Variants in ARB2A observed in about 807,000 individuals in gnomAD.
The protein encoded by ARB2A is ARB2 cotranscriptional regulator A.
chr5:93,967,466 C>G, the ARB2A span, among the ~76,000 whole-genome samples: 2 of 152,046 alleles, frequency 1.3e-5, no homozygotes, highest in African/African-American at 4.8e-5. Flanking sequence ...GACAGACAAG[C>G]AGATATAAAA....
At chr5:93,656,838 G>A in the ARB2A span, among the ~76,000 whole-genome samples, 1 of 151,950 alleles carries the variant, frequency 6.6e-6, no homozygotes, top group South Asian at 2.1e-4. Flanking sequence ...AGTTTTGGAG[G>A]ACCCCTGTGT....
the ARB2A span, among the ~76,000 whole-genome samples, chr5:93,750,453 T>C: frequency 4.6e-5 from 7 of 152,182 alleles, no homozygotes; most frequent in African/African-American, 1.4e-4. Flanking sequence ...TACCTCTAAT[T>C]TAACATACAG....
chr5:93,892,593 G>A, the ARB2A span, among the ~76,000 whole-genome samples: 1 of 151,878 alleles, frequency 6.6e-6, no homozygotes, highest in Admixed American at 6.6e-5. Flanking sequence ...TCTGGGGGGG[G>A]GAAAACCACA....
the ARB2A span, among the ~76,000 whole-genome samples, chr5:93,967,325 G>C: frequency 3.9e-5 from 6 of 152,046 alleles, no homozygotes; most frequent in Non-Finnish European, 8.8e-5. Context: ...GATGTATATA[G>C]AGCTTGGAAG....
At chr5:93,828,151 G>A in the ARB2A span, among the ~76,000 whole-genome samples, 1 of 152,064 alleles carries the variant, frequency 6.6e-6, no homozygotes. Context: ...AGCTTGATGG[G>A]GATGGCATTG....
chr5:93,763,519 G>T, the ARB2A span, among the ~76,000 whole-genome samples: 2 of 151,982 alleles, frequency 1.3e-5, no homozygotes, highest in African/African-American at 4.8e-5. Context: ...TATATGCACC[G>T]AATACAGGAG....
chr5:94,088,507 G>A, the ARB2A span, among the ~76,000 whole-genome samples: 3 of 151,868 alleles, frequency 2.0e-5, no homozygotes, highest in African/African-American at 7.3e-5. Context: ...ATAGCAAGAC[G>A]GTATCTCTAC....
At chr5:93,754,868 T>A in the ARB2A span, among the ~76,000 whole-genome samples, 1 of 152,208 alleles carries the variant, frequency 6.6e-6, no homozygotes, top group African/African-American at 2.4e-5. Flanking sequence ...CTTCACTACA[T>A]TTTCTATCAT....
At chr5:93,852,451 T>C in the ARB2A span, among the ~76,000 whole-genome samples, 1 of 152,232 alleles carries the variant, frequency 6.6e-6, no homozygotes, top group Non-Finnish European at 1.5e-5. Context: ...AGAAGCTCTT[T>C]AGTTTCACTA....
chr5:93,951,960 A>C, the ARB2A span, among the ~76,000 whole-genome samples: 2 of 152,234 alleles, frequency 1.3e-5, no homozygotes, highest in Non-Finnish European at 2.9e-5. Flanking sequence ...TTCAAGGGAT[A>C]GCTGGTAAGA....
the ARB2A span, among the ~76,000 whole-genome samples, chr5:94,088,249 G>A: frequency 3.9e-5 from 6 of 152,094 alleles, no homozygotes; most frequent in South Asian, 4.2e-4. Context: ...GTTTTCAAAC[G>A]GAACTAGTAT....
chr5:93,902,670 A>G, the ARB2A span, among the ~76,000 whole-genome samples: 1 of 152,114 alleles, frequency 6.6e-6, no homozygotes, highest in Non-Finnish European at 1.5e-5. Context: ...CAGATTAGTT[A>G]AGAGTATCAG....
At chr5:93,776,500 G>C in the ARB2A span, among the ~76,000 whole-genome samples, 1 of 152,176 alleles carries the variant, frequency 6.6e-6, no homozygotes, top group Non-Finnish European at 1.5e-5. Flanking sequence ...TGTAAGGGCA[G>C]GGCGCGGTAG....
At chr5:93,895,963 C>T in the ARB2A span, among the ~76,000 whole-genome samples, 2 of 151,408 alleles carry the variant, frequency 1.3e-5, no homozygotes, top group Admixed American at 1.3e-4. Context: ...GTAGAAAAAA[C>T]ACTTATAAGT....
At chr5:94,074,805 C>A in the ARB2A span, 1 of 1,390,712 alleles carries the variant, frequency 7.2e-7, no homozygotes, top group South Asian at 1.2e-5. Context: ...AAGTTCTACT[C>A]AAAACCTATC....
At chr5:93,665,187 A>T in the ARB2A span, among the ~76,000 whole-genome samples, 1 of 152,234 alleles carries the variant, frequency 6.6e-6, no homozygotes, top group Non-Finnish European at 1.5e-5. Context: ...ATTCAGATTT[A>T]GCTATTACAC....
At chr5:94,066,417 A>G in the ARB2A span, among the ~76,000 whole-genome samples, 25 of 141,416 alleles carry the variant, frequency 1.8e-4, no homozygotes, top group Non-Finnish European at 3.0e-4. Context: ...AGCTTGCCAG[A>G]CTAAGCACAC....
the ARB2A span, among the ~76,000 whole-genome samples, chr5:93,961,168 A>G: frequency 1.3e-5 from 2 of 152,152 alleles, no homozygotes. Context: ...AACACGCACA[A>G]AGAAAAGTGT....
At chr5:93,913,675 C>T in the ARB2A span, among the ~76,000 whole-genome samples, 3 of 151,884 alleles carry the variant, frequency 2.0e-5, no homozygotes, top group African/African-American at 7.3e-5. Context: ...TAATAAAATT[C>T]CCAGACAACT....
Sources: allele counts gnomAD v4.1 joint callset (sites outside exome capture counted in the v4.1 genomes callset), GRCh38; gene constraint gnomAD v4.1.1; transcripts MANE v1.5; gene names NCBI Gene and HGNC (gene_info 2026-07-23, HGNC 2026-07-21).